The following ADCY1 variants were observed in gnomAD, a reference collection of about 807,000 sequenced individuals.
ADCY1 encodes adenylate cyclase type 1.
Under a neutral mutation model 105.4 loss-of-function variants are expected in ADCY1, and 28 were observed. The ratio of observed to expected loss-of-function variants is 0.27; its 90% CI spans 0.20 to 0.36. The LOEUF is 0.36. Ranked by LOEUF, ADCY1 falls within the 10% of genes least tolerant of loss-of-function variation. The probability of loss-of-function intolerance (pLI) is 1.00; values close to 1 mark genes in which losing one functional copy is unlikely to be tolerated. For missense variants in ADCY1, 977 were observed against 1,434.2 expected (o/e 0.68, Z 5.15); for synonymous variants, 655 against 623.8 (o/e 1.05, Z -0.75).
Position 45,703,540 on chromosome 7 carries a change from G to A in ADCY1, c.2571+48G>A. On this transcript the variant is annotated intron_variant, in intron 15 of 19. Coordinates refer to ENST00000297323, the MANE Select transcript of ADCY1 (RefSeq NM_021116.4). This position sits in a 1 kb window ranked among gnomAD's most constrained non-coding sequence, Gnocchi z 5.9. ...GCCAGCACTAGCCCTACACTGCTCT[G>A]GCCACCCCACTTGGCGCTCACCTGG... 1 of 1,612,978 alleles carries A rather than the reference G, an allele frequency of 6.2e-7. No homozygotes were observed. The highest frequency in any genetic ancestry group is 8.5e-7 in the Non-Finnish European group (1 of 1,179,188).
Position 45,596,202 on chromosome 7 carries a change from C to T in ADCY1, c.789+3294C>T, listed in dbSNP as rs78625899. Reference sequence around the variant, plus strand: ...GAGGGAGCCTTACCATGTGGCTAGTCGTGAGCATCTGCCTTTCATGTTTTA... The same window carrying T: ...GAGGGAGCCTTACCATGTGGCTAGTTGTGAGCATCTGCCTTTCATGTTTTA... On this transcript the variant is annotated intron_variant, in intron 2 of 19. Transcript: ENST00000297323. 0.032 allele frequency among the ~76,000 whole-genome samples: 4,948 copies of T among 152,338 alleles called. 463 individuals are homozygous for T. In the East Asian group the frequency reaches 0.34, roughly 10 times the overall value.
chr7:45,633,340 A>G (rs958228226), intron 4 of ADCY1, among the ~76,000 whole-genome samples: 14 of 152,256 alleles, frequency 9.2e-5, no homozygotes, highest in Admixed American at 4.6e-4. Flanking sequence ...ATTTTTTTCA[A>G]TAAATATATT....
rs1032019734 is a variant in ADCY1, at chr7:45,596,790, G to A, written c.789+3882G>A. On this transcript the variant is annotated intron_variant, in intron 2 of 19. Transcript: ENST00000297323. ...AGATGGCTTGACCGGTAGAGAGTGG[G>A]GCAGGGCTGGCTCCTGTGGTTCTGT... Among the ~76,000 whole-genome samples, 7 of 152,306 alleles carry A rather than the reference G, an allele frequency of 4.6e-5. No individual in the cohort carries two copies. The South Asian group carries it at 1.4e-3, about 32-fold the overall frequency.
At chr7:45,639,563 C>T (rs10951828) in intron 4 of ADCY1, among the ~76,000 whole-genome samples, 2 of 152,140 alleles carry the variant, frequency 1.3e-5, no homozygotes, top group East Asian at 3.9e-4. Flanking sequence ...CTGCCTGGGG[C>T]TCATCCTGAT....
chr7:45,657,909 G>A, intron 6 of ADCY1, 24 bp downstream of exon 6: 1 of 1,558,148 alleles, frequency 6.4e-7, no homozygotes, highest in Non-Finnish European at 8.7e-7. Context: ...GGGGTGGGGA[G>A]GGGAGGGAGG....
intron 8 of ADCY1, among the ~76,000 whole-genome samples, chr7:45,672,026 A>G (rs557741531): frequency 1.3e-5 from 2 of 152,198 alleles, no homozygotes; most frequent in Admixed American, 1.3e-4. Flanking sequence ...ACATAGCCCA[A>G]GTCCCCAAAT....
At chr7:45,704,974 C>T (rs1036499684) in intron 17 of ADCY1, among the ~76,000 whole-genome samples, 3 of 147,766 alleles carry the variant, frequency 2.0e-5, no homozygotes, top group Non-Finnish European at 3.0e-5. Context: ...CCTCTCTTCT[C>T]CTCCCATCAG....
intron 1 of ADCY1, among the ~76,000 whole-genome samples, chr7:45,578,459 A>G (rs1792417154): frequency 6.6e-6 from 1 of 152,092 alleles, no homozygotes; most frequent in Non-Finnish European, 1.5e-5. Context: ...TATTCAAGAC[A>G]TCCTTGGCTG....
chr7:45,584,593 C>T (rs986855932), intron 1 of ADCY1, among the ~76,000 whole-genome samples: 2 of 152,258 alleles, frequency 1.3e-5, no homozygotes, highest in African/African-American at 4.8e-5. Flanking sequence ...CATGGTCCTT[C>T]TAGCGCCCTT....
At chr7:45,661,428 G>T (rs1237676805) in intron 7 of ADCY1, among the ~76,000 whole-genome samples, 1 of 152,034 alleles carries the variant, frequency 6.6e-6, no homozygotes, top group Non-Finnish European at 1.5e-5. Context: ...GCTGCTGTGG[G>T]GGTGCAGGAA....
intron 11 of ADCY1, chr7:45,684,681 G>C: frequency 4.6e-6 from 1 of 215,176 alleles, no homozygotes; most frequent in Non-Finnish European, 9.2e-6. Context: ...AAAATACCAA[G>C]TTAATCTATC....
chr7:45,580,754 T>C (rs1562671104), intron 1 of ADCY1, among the ~76,000 whole-genome samples: 8 of 152,080 alleles, frequency 5.3e-5, no homozygotes, highest in Admixed American at 2.0e-4. Context: ...TTGCCCTTTC[T>C]CCCAAGAGCA....
At chr7:45,603,226 G>A (rs1793286940) in intron 2 of ADCY1, among the ~76,000 whole-genome samples, 1 of 152,188 alleles carries the variant, frequency 6.6e-6, no homozygotes, top group Non-Finnish European at 1.5e-5. Context: ...ACATATTTGG[G>A]TTGTTTCCAC....
intron 5 of ADCY1, among the ~76,000 whole-genome samples, chr7:45,655,829 C>T (rs903169154): frequency 3.3e-5 from 5 of 151,986 alleles, no homozygotes; most frequent in Admixed American, 6.6e-5. Context: ...GCTTCGGAGG[C>T]ACAAACACTA....
intron 14 of ADCY1, among the ~76,000 whole-genome samples, chr7:45,692,542 G>A (rs1433451447): frequency 6.6e-6 from 1 of 152,182 alleles, no homozygotes; most frequent in Non-Finnish European, 1.5e-5. Flanking sequence ...GTAGGAATTA[G>A]CCAAGGAAAG....
In ADCY1 at chr7:45,708,512, T is replaced by G; in HGVS notation, c.2932+48T>G. The G allele has an allele frequency of 1.4e-6, 2 of 1,418,124 alleles. No individual in the cohort carries two copies. Among genetic ancestry groups the G allele is most frequent in the Non-Finnish European group, 2.0e-6 (2 of 1,004,290 alleles). 87.8% of individuals were successfully genotyped at this position (1,418,124 alleles called of 1,614,324 possible). A position where few individuals can be genotyped will look rare whatever the true frequency, so the allele number is the denominator to read the frequency against. On this transcript the variant is annotated intron_variant, in intron 18 of 19. Transcript: ENST00000297323. This position sits in a 1 kb window ranked among gnomAD's most constrained non-coding sequence, Gnocchi z 4.7. ...TGTCCATCCATGTGGAACACCTTCC[T>G]ACACCCACCTAGGGGTGGGATCAGC... is the stretch of plus-strand genomic sequence containing the variant.
chr7:45,697,372 C>T (rs573719843), intron 14 of ADCY1, among the ~76,000 whole-genome samples: 53 of 148,280 alleles, frequency 3.6e-4, no homozygotes, highest in Non-Finnish European at 6.5e-4. Flanking sequence ...ACTGTTAGCA[C>T]GAGCTCTCTT....
chr7:45,574,188 G>A, upstream of ADCY1: 1 of 964,672 alleles, frequency 1.0e-6, no homozygotes, highest in Non-Finnish European at 1.2e-6. The surrounding 1 kb of genome is among the most constrained non-coding windows in gnomAD (Gnocchi z 7.0). Context: ...GGACAAGGAA[G>A]GTACTCGAGG....
chr7:45,686,583 T>C lies in ADCY1; in HGVS notation c.2364T>C (p.Ile788=). The change falls in exon 14 of 20, where the codon ATT becomes ATC. Residue 788 remains isoleucine (I), a synonymous_variant. Transcript: ENST00000297323. The surrounding 1 kb of genome is among the most constrained non-coding windows in gnomAD (Gnocchi z 4.3). ...TCTCCGGGCGCAGCTACGAGCCGAT[T>C]GTGGCCATCCTGCTCTTCTCCTGTG... is the stretch of plus-strand genomic sequence containing the variant. ...GAVSGRSYEP[I]VAILLFSCAL... is the part of the protein sequence containing the mutation. 6.2e-7 allele frequency: 1 copy of C among 1,613,582 alleles called. No homozygotes were observed. Among genetic ancestry groups the C allele is most frequent in the Admixed American group, 1.7e-5 (1 of 60,000 alleles).
Sources: gnomAD v4.1 joint callset for allele counts (sites outside exome capture counted in the v4.1 genomes callset) on GRCh38, gnomAD v4.1.1 for gene constraint, Gnocchi (gnomAD v3.1) non-coding constraint, MANE v1.5 for transcripts, NCBI Gene and HGNC (gene_info 2026-07-23, HGNC 2026-07-21) for gene names.